FNDC3B: variants seen among roughly 807,000 people sequenced by gnomAD.
FNDC3B encodes fibronectin type III domain-containing protein 3B.
A neutral mutation model predicts 151.5 loss-of-function variants in FNDC3B; 12 were observed. That is an observed-to-expected ratio of 0.08 (90% CI 0.05 to 0.13). FNDC3B has a LOEUF of 0.13. FNDC3B is among the 10% of genes least tolerant of loss of function. The pLI is 1.00. For synonymous variants in FNDC3B, 528 were observed against 549.0 expected, an observed-to-expected ratio of 0.96 and a Z score of 0.54; for missense variants, 1,214 against 1,505.3, an observed-to-expected ratio of 0.81 and a Z score of 3.20.
chr3:172,380,880 C>T, intron 24 of FNDC3B, 86 bp from the exon 25 acceptor site: 1 of 1,470,944 alleles, frequency 6.8e-7, no homozygotes, highest in South Asian at 1.2e-5. Flanking sequence ...CTTGCTCTCT[C>T]TGGGTTCTCA....
chr3:172,337,275 A>G (rs1034279713), intron 15 of FNDC3B, 55 bp from the exon 16 acceptor site: 7 of 1,213,766 alleles, frequency 5.8e-6, no homozygotes, highest in African/African-American at 1.5e-5. Context: ...GATGATGTTT[A>G]CCAATAAAAA....
intron 3 of FNDC3B, among the ~76,000 whole-genome samples, chr3:172,189,090 A>C (rs1724363229): frequency 1.3e-5 from 2 of 152,226 alleles, no homozygotes; most frequent in Admixed American, 1.3e-4. Context: ...TTTAGCATTA[A>C]TGCTTGTTTC....
chr3:172,063,804 A>G (rs1717347969), intron 1 of FNDC3B, among the ~76,000 whole-genome samples: 1 of 152,178 alleles, frequency 6.6e-6, no homozygotes, highest in African/African-American at 2.4e-5. Context: ...CCTTAGGGAC[A>G]GTTTTTCATC....
At chr3:172,312,391 A>G (rs1731549984) in intron 11 of FNDC3B, among the ~76,000 whole-genome samples, 1 of 152,010 alleles carries the variant, frequency 6.6e-6, no homozygotes, top group African/African-American at 2.4e-5. Context: ...AAGTGAAACC[A>G]CCTCTCCAGC....
At position 172,393,237 on chromosome 3, in the gene FNDC3B, G is replaced by A. The variant is rs117744988; in HGVS notation, c.3304-3927G>A. On this transcript the variant is annotated intron_variant, in intron 25 of 25. Coordinates refer to ENST00000415807, the MANE Select transcript of FNDC3B (RefSeq NM_022763.4). ...TAGAAACCAAAAGAAAGCAGGGATAGCTAAACTTATATCAGACAAAATAGA... is the reference window on the plus strand; with the variant it reads ...TAGAAACCAAAAGAAAGCAGGGATAACTAAACTTATATCAGACAAAATAGA... Among the ~76,000 whole-genome samples the A allele has an allele frequency of 4.2e-4, 64 of 152,282 alleles. 1 individual carries two copies. The East Asian group carries it at 0.012, about 29-fold the overall frequency.
At chr3:172,196,920 C>T (rs191296384) in intron 3 of FNDC3B, among the ~76,000 whole-genome samples, 107 of 152,290 alleles carry the variant, frequency 7.0e-4, no homozygotes, top group Middle Eastern at 3.4e-3. Flanking sequence ...TGGTGGCTCA[C>T]GCCTGTAATC....
At chr3:172,319,305 G>A (rs147058563) in intron 11 of FNDC3B, among the ~76,000 whole-genome samples, 25 of 152,174 alleles carry the variant, frequency 1.6e-4, no homozygotes, top group South Asian at 8.3e-4. Context: ...TTAGGCCCTC[G>A]GCTCCCTTGC....
chr3:172,247,615 C>T lies in FNDC3B; in HGVS notation c.347C>T (p.Ala116Val), dbSNP rs149331185. Residue 116 changes from alanine (A) to valine (V), a missense_variant, in exon 5 of 26, where the codon GCC becomes GTC. By Grantham distance (64) the Ala-to-Val change is moderately conservative. Transcript: ENST00000415807. ...PECYPPSYPS[A>V]MSPTHHLPPY... is the part of the protein sequence containing the mutation. Reference sequence around the variant, plus strand: ...TGTTATCCCCCAAGCTACCCCTCAGCCATGTCTCCAACCCATCATCTCCCT... The same window carrying T: ...TGTTATCCCCCAAGCTACCCCTCAGTCATGTCTCCAACCCATCATCTCCCT... 135 of 1,614,030 alleles carry T rather than the reference C, an allele frequency of 8.4e-5. No individual in the cohort carries two copies. Among genetic ancestry groups the T allele is most frequent in the Non-Finnish European group, 1.1e-4 (130 of 1,180,032 alleles).
At chr3:172,104,964 C>G (rs1005502243) in intron 1 of FNDC3B, among the ~76,000 whole-genome samples, 5 of 152,126 alleles carry the variant, frequency 3.3e-5, no homozygotes, top group African/African-American at 1.2e-4. Flanking sequence ...GTCAACCTTT[C>G]AAAGCCAGCA....
At chr3:172,272,777 G>T (rs1729261475) in intron 6 of FNDC3B, among the ~76,000 whole-genome samples, 1 of 152,024 alleles carries the variant, frequency 6.6e-6, no homozygotes, top group South Asian at 2.1e-4. Flanking sequence ...TCAACTTTAG[G>T]CTGCTTTCAT....
Position 172,145,002 on chromosome 3 carries a change from C to CT in FNDC3B, c.187+11468dup, listed in dbSNP as rs1052349136. 1.2e-3 allele frequency among the ~76,000 whole-genome samples: 171 copies of CT among 146,016 alleles called. 1 individual carries two copies. Among genetic ancestry groups the CT allele is most frequent in the South Asian group, 7.7e-3 (36 of 4,646 alleles). The stretch of plus-strand genomic sequence containing the variant: ...TGGATAGACCCTCCTCCCCCTACCA[C>CT]TTTTTTTTTTTTCTATTTGAAGAGA... On this transcript the variant is annotated intron_variant, in intron 3 of 25. Transcript: ENST00000415807.
intron 4 of FNDC3B, among the ~76,000 whole-genome samples, chr3:172,233,360 G>T (rs1025537048): frequency 6.6e-6 from 1 of 152,156 alleles, no homozygotes; most frequent in Admixed American, 6.5e-5. Flanking sequence ...CAAAAATACC[G>T]CATTGGATTA....
At chr3:172,317,044 T>A in intron 11 of FNDC3B, 1 of 393,784 alleles carries the variant, frequency 2.5e-6, no homozygotes, top group Non-Finnish European at 5.0e-6. Context: ...AGGAACCCAC[T>A]CCTGTGATAA....
Position 172,191,844 on chromosome 3 carries a change from C to T in FNDC3B, c.188-35027C>T, listed in dbSNP as rs145071000. 6.3e-4 allele frequency among the ~76,000 whole-genome samples: 96 copies of T among 152,244 alleles called. 1 individual carries two copies. Among genetic ancestry groups the T allele is most frequent in the Admixed American group, 2.4e-3 (37 of 15,302 alleles). On this transcript the variant is annotated intron_variant, in intron 3 of 25. Coordinates refer to ENST00000415807, the MANE Select transcript of FNDC3B (RefSeq NM_022763.4). ...CAGGGAAAATGAGGTTTTGACTCTT[C>T]TGCCAACTCTCAATCAATTGACTGT...
At chr3:172,134,624 C>CT (rs201243506) in intron 3 of FNDC3B, among the ~76,000 whole-genome samples, 6 of 150,516 alleles carry the variant, frequency 4.0e-5, no homozygotes, top group Non-Finnish European at 8.9e-5. Flanking sequence ...TTGCTTTGTA[C>CT]TTTTTTTTTG....
intron 3 of FNDC3B, among the ~76,000 whole-genome samples, chr3:172,167,929 T>C (rs1330906107): frequency 6.6e-6 from 1 of 152,222 alleles, no homozygotes; most frequent in Non-Finnish European, 1.5e-5. Context: ...CCACAAAACC[T>C]GTCCTTGGTG....
intron 3 of FNDC3B, among the ~76,000 whole-genome samples, chr3:172,168,805 C>T (rs1190419106): frequency 2.0e-5 from 3 of 150,036 alleles, no homozygotes; most frequent in East Asian, 3.9e-4. Flanking sequence ...CTCCGCTTCC[C>T]GGGTTCAAGT....
At chr3:172,186,593 C>G (rs1724198030) in intron 3 of FNDC3B, 1 of 627,952 alleles carries the variant, frequency 1.6e-6, no homozygotes, top group Non-Finnish European at 2.8e-6. Context: ...GGTATTTTTA[C>G]TCTTATTTTA....
intron 3 of FNDC3B, among the ~76,000 whole-genome samples, chr3:172,171,432 T>C (rs73023554): frequency 0.03 from 4,531 of 152,208 alleles, 129 homozygotes; most frequent in African/African-American, 0.07. Flanking sequence ...CGATGCCCAG[T>C]ATTTTTTTCT....
Sources: allele counts gnomAD v4.1 joint callset (sites outside exome capture counted in the v4.1 genomes callset), GRCh38; gene constraint gnomAD v4.1.1; transcripts MANE v1.5; gene names NCBI Gene and HGNC (gene_info 2026-07-23, HGNC 2026-07-21).